The following DAP variants were observed in gnomAD, a reference collection of about 807,000 sequenced individuals.
DAP encodes death associated protein.
DAP carries 8 observed loss-of-function variants against 13.8 expected under a neutral mutation model. The ratio of observed to expected loss-of-function variants is 0.58; its 90% CI spans 0.34 to 1.05. The LOEUF is 1.05. DAP is among the 50% of genes least tolerant of loss of function. DAP has a pLI of 0.03. For synonymous variants in DAP, 47 were observed against 47.5 expected, an observed-to-expected ratio of 0.99 and a Z score of 0.04; for missense variants, 106 against 133.2, an observed-to-expected ratio of 0.80 and a Z score of 1.01.
At position 10,748,228 on chromosome 5, in the gene DAP, T is replaced by C. The variant is rs201996478; in HGVS notation, c.99A>G (p.Thr33=). The change falls in exon 2 of 4, where the codon ACA becomes ACG. Residue 33 remains threonine (T), a synonymous_variant. Transcript: ENST00000230895. ...GMRIVQKHPH[T]GDTKEEKDKD... is the part of the protein sequence containing the mutation. ...TGTCTTTCTCTTCTTTGGTGTCTCC[T>C]GTATGTGGGTGTTTCTGCACAATTC... The C allele has an allele frequency of 6.2e-6, 10 of 1,614,126 alleles. No homozygotes were observed. The highest frequency in any genetic ancestry group is 3.3e-4 in the Middle Eastern group (2 of 6,062).
intron 2 of DAP, among the ~76,000 whole-genome samples, chr5:10,733,593 C>G (rs952639528): frequency 6.6e-6 from 1 of 152,020 alleles, no homozygotes; most frequent in Non-Finnish European, 1.5e-5. Flanking sequence ...TACTCCAGCC[C>G]GTATTAATTC....
At chr5:10,716,760 CT>C (rs1201903923) in intron 2 of DAP, among the ~76,000 whole-genome samples, 10 of 152,152 alleles carry the variant, frequency 6.6e-5, no homozygotes. Flanking sequence ...TAAGTTAATA[CT>C]TAATAAACTC....
chr5:10,746,465 G>T (rs892112238), intron 2 of DAP, among the ~76,000 whole-genome samples: 2 of 151,980 alleles, frequency 1.3e-5, no homozygotes, highest in South Asian at 2.1e-4. Flanking sequence ...GAGTAGCTGG[G>T]ATTACAGGCA....
chr5:10,761,191 T>A lies in DAP; in HGVS notation c.-123A>T. On this transcript the variant is annotated 5_prime_UTR_variant, in exon 1 of 4. Transcript: ENST00000230895. ...CGGGCGGGAGAACGACGCGCGCGCG[T>A]GGGGCGCCGGGGCCGCGCGAGCCGG... 1 of 422,924 alleles carries A rather than the reference T, an allele frequency of 2.4e-6. No individual in the cohort carries two copies. Among genetic ancestry groups the A allele is most frequent in the Non-Finnish European group, 3.5e-6 (1 of 283,536 alleles). The allele number at this position is 422,924 out of a possible 1,614,324, so 26.2% of individuals were successfully genotyped here. A position where few individuals can be genotyped will look rare whatever the true frequency, so the allele number is the denominator to read the frequency against.
chr5:10,752,638 CTG>C (rs35087570), intron 1 of DAP, among the ~76,000 whole-genome samples: 12,850 of 150,536 alleles, frequency 0.085, 695 homozygotes, highest in Admixed American at 0.16. Flanking sequence ...CCAGTTCTGC[CTG>C]TGTGTGTGTG....
intron 1 of DAP, among the ~76,000 whole-genome samples, chr5:10,752,704 TTGTGTGTGTGGC>T (rs1384570053): frequency 3.3e-5 from 5 of 152,158 alleles, no homozygotes; most frequent in Non-Finnish European, 5.9e-5. Flanking sequence ...ACGTATGTGC[TTGTGTGTGTGGC>T]TGTGTGTGGG....
chr5:10,755,886 G>A (rs1017499194), intron 1 of DAP, among the ~76,000 whole-genome samples: 1 of 152,252 alleles, frequency 6.6e-6, no homozygotes, highest in African/African-American at 2.4e-5. Flanking sequence ...GGTGGCTCAT[G>A]CCTGGAGTCC....
chr5:10,695,483 A>G (rs1040194050), intron 2 of DAP, among the ~76,000 whole-genome samples: 11 of 152,256 alleles, frequency 7.2e-5, no homozygotes, highest in Non-Finnish European at 1.3e-4. Flanking sequence ...TAAATTTGGC[A>G]TAAGAAATTT....
intron 2 of DAP, among the ~76,000 whole-genome samples, chr5:10,740,540 T>C (rs550189993): frequency 2.0e-5 from 3 of 152,142 alleles, no homozygotes; most frequent in Admixed American, 6.5e-5. Flanking sequence ...AAAGTAACCA[T>C]AGGTAAACAG....
intron 2 of DAP, among the ~76,000 whole-genome samples, chr5:10,732,051 T>G (rs1043443180): frequency 6.6e-6 from 1 of 152,240 alleles, no homozygotes; most frequent in African/African-American, 2.4e-5. Flanking sequence ...CTGATGTCCC[T>G]GAGGAGTTCA....
rs749762915 is a variant in DAP, at chr5:10,681,133, C to G, written c.232G>C (p.Ala78Pro). 2 of 1,541,176 alleles carry G rather than the reference C, an allele frequency of 1.3e-6. No individual in the cohort carries two copies. The highest frequency in any genetic ancestry group is 4.2e-5 in the Admixed American group (2 of 47,290). Residue 78 changes from alanine to proline, a missense_variant, in exon 4 of 4, where the codon GCT becomes CCT. Coordinates refer to ENST00000230895, the MANE Select transcript of DAP (RefSeq NM_004394.3). ...ATGGAGGCATGCGGCTTCTGGTGAG[C>G]CACCTGCGCAGCCGCCGGGGGGAAA... is the stretch of plus-strand genomic sequence containing the variant. ...KDFPPAAAQV[A>P]HQKPHASMDK...
At chr5:10,691,933 T>A (rs567307643) in intron 2 of DAP, among the ~76,000 whole-genome samples, 2 of 152,302 alleles carry the variant, frequency 1.3e-5, no homozygotes, top group South Asian at 4.1e-4. Context: ...TAACAAAAGT[T>A]TGCTATTACT....
intron 2 of DAP, among the ~76,000 whole-genome samples, chr5:10,709,226 A>G (rs1216277417): frequency 6.6e-6 from 1 of 152,264 alleles, no homozygotes; most frequent in Non-Finnish European, 1.5e-5. Flanking sequence ...TGTATGAGGT[A>G]TGCATTATAA....
intron 2 of DAP, among the ~76,000 whole-genome samples, chr5:10,692,513 C>CT (rs1435523547): frequency 1.3e-5 from 2 of 152,164 alleles, no homozygotes; most frequent in Non-Finnish European, 2.9e-5. Flanking sequence ...CATCCCAAGT[C>CT]TAACGCTCTT....
At chr5:10,750,063 AT>A (rs892580846) in intron 1 of DAP, among the ~76,000 whole-genome samples, 6 of 152,134 alleles carry the variant, frequency 3.9e-5, no homozygotes, top group African/African-American at 9.7e-5. Flanking sequence ...CCTTGTAGTC[AT>A]TGGCCCCCCA....
rs765488331 is a variant in DAP, at chr5:10,761,113, C to G, written c.-45G>C. On this transcript the variant is annotated 5_prime_UTR_variant, in exon 1 of 4. Transcript: ENST00000230895. ...GGGGCCGAGGCGGCGGCGCGGTTCT[C>G]GGGCCGGGCGGGCGTGCGCGAGTGA... 1.8e-5 allele frequency: 20 copies of G among 1,115,226 alleles called. No individual in the cohort carries two copies. The highest frequency in any genetic ancestry group is 1.3e-4 in the African/African-American group (8 of 60,736). The allele number at this position is 1,115,226 out of a possible 1,614,324, so 69.1% of individuals were successfully genotyped here.
At chr5:10,694,248 G>T (rs967661567) in intron 2 of DAP, among the ~76,000 whole-genome samples, 2 of 152,164 alleles carry the variant, frequency 1.3e-5, no homozygotes, top group Non-Finnish European at 2.9e-5. Flanking sequence ...TAGAGTGTTG[G>T]ATGATCCGGG....
At chr5:10,724,546 G>C (rs1384738462) in intron 2 of DAP, among the ~76,000 whole-genome samples, 1 of 152,130 alleles carries the variant, frequency 6.6e-6, no homozygotes, top group Non-Finnish European at 1.5e-5. Flanking sequence ...GGGCCCATCA[G>C]CTTAGGGCTT....
intron 2 of DAP, among the ~76,000 whole-genome samples, chr5:10,697,684 AG>A (rs1011481535): frequency 1.3e-5 from 2 of 152,210 alleles, no homozygotes; most frequent in Non-Finnish European, 2.9e-5. Flanking sequence ...ATGATCATGT[AG>A]GTAGAAAAAA....
Sources: allele counts gnomAD v4.1 joint callset (sites outside exome capture counted in the v4.1 genomes callset), GRCh38; gene constraint gnomAD v4.1.1; transcripts MANE v1.5; gene names NCBI Gene and HGNC (gene_info 2026-07-23, HGNC 2026-07-21).